COPB1: variants seen among roughly 807,000 people sequenced by gnomAD.
COPB1 encodes coat protein complex I subunit beta 1.
Under a neutral mutation model 108.7 loss-of-function variants are expected in COPB1, and 21 were observed. The observed-to-expected ratio is 0.19, with a 90% CI of 0.14 to 0.28. COPB1 has a LOEUF of 0.28. Among genes scored for constraint, COPB1 ranks in the 10% least tolerant of loss-of-function variants. The probability of loss-of-function intolerance (pLI) is 1.00; values close to 1 mark genes in which losing one functional copy is unlikely to be tolerated. For synonymous variants in COPB1, 378 were observed against 386.8 expected, an observed-to-expected ratio of 0.98 and a Z score of 0.27; for missense variants, 919 against 1,141.3, an observed-to-expected ratio of 0.81 and a Z score of 2.81.
At chr11:14,462,678 C>A (rs1035397881) in intron 18 of COPB1, among the ~76,000 whole-genome samples, 1 of 152,178 alleles carries the variant, frequency 6.6e-6, no homozygotes, top group Non-Finnish European at 1.5e-5. Flanking sequence ...CCCTCTCATA[C>A]GTATCAGAGA....
At chr11:14,465,191 T>C (rs974302658) in intron 17 of COPB1, among the ~76,000 whole-genome samples, 161 bp from the exon 18 acceptor site, 1 of 151,224 alleles carries the variant, frequency 6.6e-6, no homozygotes, top group Non-Finnish European at 1.5e-5. Flanking sequence ...AGAGTATGAA[T>C]CAAATATAAT....
chr11:14,469,483 A>G lies in COPB1; in HGVS notation c.1818T>C (p.Thr606=), dbSNP rs1389950402. 6.2e-7 allele frequency: 1 copy of G among 1,614,232 alleles called. No homozygotes were observed. Among genetic ancestry groups the G allele is most frequent in the Admixed American group, 1.7e-5 (1 of 60,030 alleles). The change falls in exon 15 of 22, where the codon ACT becomes ACC. Residue 606 remains threonine (T), a synonymous_variant. Transcript: ENST00000439561. ...GGGAAATTCGATCCACATCATCATC[A>G]GTAATTGGCTTCTTAGGAAGAGAGG... ...GKSSLPKKPI[T]DDDVDRISLC...
chr11:14,466,549 G>A (rs973664771), intron 16 of COPB1, 123 bp from the exon 17 acceptor site: 5 of 909,890 alleles, frequency 5.5e-6, no homozygotes, highest in Non-Finnish European at 8.0e-6. Context: ...TTTGAGATAG[G>A]TAAAATAAAA....
rs745986255 is a variant in COPB1 at position 14,476,983 on chromosome 11, T to C, written c.1391A>G (p.Glu464Gly). 1.2e-6 allele frequency: 2 copies of C among 1,612,186 alleles called. No homozygotes were observed. The highest frequency in any genetic ancestry group is 1.7e-6 in the Non-Finnish European group (2 of 1,178,280). ...AATGTCTTCCTTGGTACTACAGTATTCTCCCAGGATCCATAATGCTCCTCG... is the reference window on the plus strand; with the variant it reads ...AATGTCTTCCTTGGTACTACAGTATCCTCCCAGGATCCATAATGCTCCTCG... ...IYRGALWILG[E>G]YCSTKEDIQS... is the part of the protein sequence containing the mutation. Residue 464 changes from glutamate (E) to glycine (G), a missense_variant, in exon 12 of 22, where the codon GAA becomes GGA. By Grantham distance (98) the Glu-to-Gly change is moderately conservative (BLOSUM62 -2). Transcript: ENST00000439561.
chr11:14,480,725 T>C, intron 10 of COPB1, 34 bp downstream of exon 10: 1 of 1,586,622 alleles, frequency 6.3e-7, no homozygotes, highest in African/African-American at 1.4e-5. Flanking sequence ...TTCTTTTAGA[T>C]AATTTCAAAA....
Position 14,464,997 on chromosome 11 carries a change from A to G in COPB1, c.2324T>C (p.Leu775Ser), listed in dbSNP as rs745857933. The G allele has an allele frequency of 3.1e-5, 50 of 1,613,138 alleles. No homozygotes were observed. The East Asian group carries it at 6.5e-4, about 21-fold the overall frequency. ...TGCGAAGTCATGAGGAGCAAGAGTCAAAGGAGACGGCTTTTCCACAAGTTT... is the reference window on the plus strand; with the variant it reads ...TGCGAAGTCATGAGGAGCAAGAGTCGAAGGAGACGGCTTTTCCACAAGTTT... ...DLKLVEKPSP[L>S]TLAPHDFANI... The change falls in exon 18 of 22, where the codon TTG (leucine) becomes TCG (serine). Residue 775 changes from leucine (L) to serine (S), a missense_variant. Coordinates refer to ENST00000439561, the MANE Select transcript of COPB1 (RefSeq NM_001144061.2).
At chr11:14,491,660 ACT>A (rs376185974) in intron 4 of COPB1, among the ~76,000 whole-genome samples, 12 of 86,878 alleles carry the variant, frequency 1.4e-4, no homozygotes, top group African/African-American at 4.4e-4. Flanking sequence ...CAAGAGTGAA[ACT>A]CTGTCTCAAA....
chr11:14,469,526 A>G lies in COPB1; in HGVS notation c.1775T>C (p.Ile592Thr). The change falls in exon 15 of 22, where the codon ATC becomes ACC. Residue 592 changes from isoleucine to threonine, a missense_variant. Transcript: ENST00000439561. The stretch of plus-strand genomic sequence containing the variant: ...AAGAGAGGATTTTCCCAAATGCAGG[A>G]TAGTAGCCATGAGCAACATAGCCTC... ...VAEAMLLMAT[I>T]LHLGKSSLPK... 2 of 1,614,202 alleles carry G rather than the reference A, an allele frequency of 1.2e-6. No homozygotes were observed. Among genetic ancestry groups the G allele is most frequent in the Non-Finnish European group, 1.7e-6 (2 of 1,180,038 alleles).
At chr11:14,477,936 G>T (rs566013712) in intron 11 of COPB1, among the ~76,000 whole-genome samples, 1 of 150,748 alleles carries the variant, frequency 6.6e-6, no homozygotes, top group African/African-American at 2.4e-5. Context: ...AATCCAGGAG[G>T]CGGAGGTTGC....
At chr11:14,497,017 T>C (rs545012114) in intron 2 of COPB1, among the ~76,000 whole-genome samples, 2 of 152,218 alleles carry the variant, frequency 1.3e-5, no homozygotes, top group Non-Finnish European at 2.9e-5. Flanking sequence ...CCCCCATCTC[T>C]CAACTTACAC....
intron 12 of COPB1, among the ~76,000 whole-genome samples, 186 bp downstream of exon 12, chr11:14,476,733 C>A (rs1236099272): frequency 6.7e-6 from 1 of 148,836 alleles, no homozygotes; most frequent in Non-Finnish European, 1.5e-5. Context: ...AGAATACAGG[C>A]TAAAGCAGAA....
chr11:14,473,758 T>A (rs1850459801), intron 14 of COPB1, among the ~76,000 whole-genome samples: 1 of 151,128 alleles, frequency 6.6e-6, no homozygotes, highest in Non-Finnish European at 1.5e-5. Flanking sequence ...AACACAGAGA[T>A]ATGAAGTGAG....
intron 4 of COPB1, among the ~76,000 whole-genome samples, chr11:14,492,652 T>C (rs184217757): frequency 0.011 from 1,635 of 152,178 alleles, 16 homozygotes; most frequent in Non-Finnish European, 0.015. Flanking sequence ...TCATCTACAT[T>C]ATTAACCAGA....
intron 4 of COPB1, among the ~76,000 whole-genome samples, chr11:14,491,772 T>A (rs557133350): frequency 6.6e-6 from 1 of 152,284 alleles, no homozygotes; most frequent in African/African-American, 2.4e-5. Flanking sequence ...CAGAAAAAGC[T>A]GATTTATTCA....
At position 14,494,430 on chromosome 11, in the gene COPB1, TCTC is replaced by T; in HGVS notation, c.98_100del (p.Gly33del). On this transcript the variant is annotated inframe_deletion, in exon 3 of 22. Coordinates refer to ENST00000439561, the MANE Select transcript of COPB1 (RefSeq NM_001144061.2). ...CAAAGCTTCAGTCTTTGACTTTACATCTCCTTTTTCTGAATCAAAAATTTTTTT... is the reference window on the plus strand; with the variant it reads ...CAAAGCTTCAGTCTTTGACTTTACATCTTTTTCTGAATCAAAAATTTTTTT... The T allele has an allele frequency of 6.6e-7, 1 of 1,524,410 alleles. No individual in the cohort carries two copies. Among genetic ancestry groups the T allele is most frequent in the Non-Finnish European group, 8.9e-7 (1 of 1,125,900 alleles). 94.4% of individuals were successfully genotyped at this position (1,524,410 alleles called of 1,614,324 possible).
intron 11 of COPB1, among the ~76,000 whole-genome samples, chr11:14,478,070 T>C (rs1850568120): frequency 6.6e-6 from 1 of 151,822 alleles, no homozygotes; most frequent in African/African-American, 2.4e-5. Flanking sequence ...TTTAGATAAA[T>C]ATTTCAGAAA....
chr11:14,482,888 C>G, intron 8 of COPB1, 144 bp downstream of exon 8: 1 of 649,938 alleles, frequency 1.5e-6, no homozygotes, highest in Non-Finnish European at 2.4e-6. Flanking sequence ...GCTATGATGA[C>G]TCAATAGTTA....
Position 14,494,307 on chromosome 11 carries a change from T to C in COPB1, c.224A>G (p.Lys75Arg). 6.2e-7 allele frequency: 1 copy of C among 1,613,846 alleles called. No individual in the cohort carries two copies. Among genetic ancestry groups the C allele is most frequent in the Non-Finnish European group, 8.5e-7 (1 of 1,179,838 alleles). ...TTCCCAAAATACCAGAAGTAATTTCTTGATAGTGTGATCCTGAAGAGGTAG... is the reference window on the plus strand; with the variant it reads ...TTCCCAAAATACCAGAAGTAATTTCCTGATAGTGTGATCCTGAAGAGGTAG... ...FVLPLQDHTI[K>R]KLLLVFWEIV... The change falls in exon 3 of 22, where the codon AAG becomes AGG. Residue 75 changes from lysine (K) to arginine (R), a missense_variant. By Grantham distance (26) the Lys-to-Arg change is conservative. This residue lies in a region of COPB1 where 92 missense variants were observed against 108.4 expected (regional missense o/e 0.85). Transcript: ENST00000439561.
At chr11:14,460,640 C>T (rs942755468) in intron 19 of COPB1, among the ~76,000 whole-genome samples, 5 of 152,000 alleles carry the variant, frequency 3.3e-5, no homozygotes, top group African/African-American at 9.7e-5. Context: ...CCTCAGTCTC[C>T]GGAGTAGCTG....
Sources: allele counts gnomAD v4.1 joint callset (sites outside exome capture counted in the v4.1 genomes callset), GRCh38; gene constraint gnomAD v4.1.1; regional missense constraint gnomAD v4.1.1; transcripts MANE v1.5; gene names NCBI Gene and HGNC (gene_info 2026-07-23, HGNC 2026-07-21).